Variants in TTL observed in about 807,000 individuals in gnomAD.
The protein encoded by TTL is tubulin--tyrosine ligase.
Under a neutral mutation model 41.1 loss-of-function variants are expected in TTL, and 10 were observed. The observed-to-expected ratio is 0.24, with a 90% CI of 0.15 to 0.41. The LOEUF (loss-of-function observed/expected upper bound fraction) is 0.41, where lower values mean the gene tolerates loss of function less well. TTL is among the 10% of genes least tolerant of loss of function. TTL has a pLI of 1.00. For missense variants in TTL, 367 were observed against 460.4 expected (o/e 0.80, Z 1.86); for synonymous variants, 175 against 175.5 (o/e 1.00, Z 0.02).
At position 112,503,049 on chromosome 2, in the gene TTL, A is replaced by T; in HGVS notation, c.743A>T (p.Glu248Val). ...CHLTNHCIQKEYSKNYGKYEE... is the reference protein window; with the variant it reads ...CHLTNHCIQKVYSKNYGKYEE... ...TTGACCAATCACTGCATTCAAAAAGAGTATTCAAAGAACTACGGGAAGTAT... is the reference window on the plus strand; with the variant it reads ...TTGACCAATCACTGCATTCAAAAAGTGTATTCAAAGAACTACGGGAAGTAT... Residue 248 changes from glutamate to valine, a missense_variant, in exon 5 of 7, where the codon GAG (glutamate) becomes GTG (valine). Physicochemically the swap from Glu to Val is moderately radical, Grantham distance 121. Coordinates refer to ENST00000233336, the MANE Select transcript of TTL (RefSeq NM_153712.5). 2 of 1,614,148 alleles carry T rather than the reference A, an allele frequency of 1.2e-6. No homozygotes were observed. Among genetic ancestry groups the T allele is most frequent in the Non-Finnish European group, 8.5e-7 (1 of 1,180,020 alleles).
chr2:112,519,247 T>C (rs1232225931), intron 5 of TTL, among the ~76,000 whole-genome samples: 1 of 152,186 alleles, frequency 6.6e-6, no homozygotes, highest in Non-Finnish European at 1.5e-5. Flanking sequence ...ACAGTAACAT[T>C]TATTAAAATG....
At chr2:112,511,229 G>A (rs1272965748) in intron 5 of TTL, among the ~76,000 whole-genome samples, 4 of 151,614 alleles carry the variant, frequency 2.6e-5, no homozygotes, top group Admixed American at 6.6e-5. Flanking sequence ...AGCTGGTCTC[G>A]AACTCTTGGG....
intron 2 of TTL, among the ~76,000 whole-genome samples, chr2:112,489,565 T>G (rs1432057885): frequency 2.0e-5 from 3 of 152,246 alleles, no homozygotes; most frequent in Non-Finnish European, 2.9e-5. Flanking sequence ...ATTGAATATA[T>G]TGAAAAGTAA....
Position 112,533,012 on chromosome 2 carries a change from A to G in TTL, c.*4217A>G, listed in dbSNP as rs1682541789. The G allele has an allele frequency of 1.3e-5, 2 of 152,330 alleles. No individual in the cohort carries two copies. The highest frequency in any genetic ancestry group is 4.1e-4 in the South Asian group (2 of 4,826). 9.4% of individuals were successfully genotyped at this position (152,330 alleles called of 1,614,324 possible). On this transcript the variant is annotated 3_prime_UTR_variant, in exon 7 of 7. Transcript: ENST00000233336. ...TACCTATAAACCTCACACACCTGAG[A>G]TGCTTAGTCTTGTGGATAGAAAGAG...
intron 2 of TTL, among the ~76,000 whole-genome samples, chr2:112,492,855 C>A (rs1235861918): frequency 1.1e-4 from 17 of 152,032 alleles, no homozygotes; most frequent in Admixed American, 1.1e-3. Flanking sequence ...CGCACCACTG[C>A]ACTCCAGCCT....
rs966877515 is a variant in TTL, at chr2:112,541,214, G to GA, written c.*12426dup. 1 of 151,792 alleles carries GA rather than the reference G, an allele frequency of 6.6e-6. No individual in the cohort carries two copies. Among genetic ancestry groups the GA allele is most frequent in the African/African-American group, 2.4e-5 (1 of 41,292 alleles). 9.4% of individuals were successfully genotyped at this position (151,792 alleles called of 1,614,324 possible). The stretch of plus-strand genomic sequence containing the variant: ...TGATATAAAAAGACAGGCAACAAAA[G>GA]AAAAAAACTACACTTCAAAATTAAA... On this transcript the variant is annotated 3_prime_UTR_variant, in exon 7 of 7. Transcript: ENST00000233336.
In TTL at chr2:112,540,892, T is replaced by TA. The variant is rs1240465047; in HGVS notation, c.*12098dup. 9.9e-5 allele frequency: 15 copies of TA among 152,134 alleles called. No individual in the cohort carries two copies. Among genetic ancestry groups the TA allele is most frequent in the African/African-American group, 3.6e-4 (15 of 41,430 alleles). 9.4% of individuals were successfully genotyped at this position (152,134 alleles called of 1,614,324 possible). On this transcript the variant is annotated 3_prime_UTR_variant, in exon 7 of 7. Coordinates refer to ENST00000233336, the MANE Select transcript of TTL (RefSeq NM_153712.5). ...AAACTACAAAACTCTTAGTAGAAAA[T>TA]ATAGGTGAAAATCCCCATGATTGAA...
Position 112,534,831 on chromosome 2 carries a change from T to G in TTL, c.*6036T>G, listed in dbSNP as rs1349521386. On this transcript the variant is annotated 3_prime_UTR_variant, in exon 7 of 7. Coordinates refer to ENST00000233336, the MANE Select transcript of TTL (RefSeq NM_153712.5). ...AAGGCCACACACATGTGTAGGACTG[T>G]GCACATGCCCAGAAGAGACCTGAGA... The G allele has an allele frequency of 2.6e-5, 4 of 152,140 alleles. No individual in the cohort carries two copies. The highest frequency in any genetic ancestry group is 9.7e-5 in the African/African-American group (4 of 41,356). 9.4% of individuals were successfully genotyped at this position (152,140 alleles called of 1,614,324 possible). A position where few individuals can be genotyped will look rare whatever the true frequency, so the allele number is the denominator to read the frequency against.
At chr2:112,521,078 AG>A (rs1055328869) in intron 6 of TTL, 2 of 619,762 alleles carry the variant, frequency 3.2e-6, no homozygotes, top group Non-Finnish European at 4.0e-6. Flanking sequence ...GGCAGGAAGG[AG>A]TCAGAGAAGG....
chr2:112,540,224 G>C lies in TTL; in HGVS notation c.*11429G>C, dbSNP rs1202569815. 6.6e-6 allele frequency: 1 copy of C among 152,130 alleles called. No individual in the cohort carries two copies. Among genetic ancestry groups the C allele is most frequent in the Non-Finnish European group, 1.5e-5 (1 of 68,036 alleles). The allele number at this position is 152,130 out of a possible 1,614,324, so 9.4% of individuals were successfully genotyped here. On this transcript the variant is annotated 3_prime_UTR_variant, in exon 7 of 7. Transcript: ENST00000233336. ...CGGCCAAGGCAGATGGATTACTTGA[G>C]GTCAGGAATTCAAGACCAGCTTGGC...
chr2:112,492,349 C>A (rs1296557162), intron 2 of TTL, among the ~76,000 whole-genome samples: 8 of 152,190 alleles, frequency 5.3e-5, no homozygotes, highest in Admixed American at 6.5e-5. Context: ...CTTTGGGAGG[C>A]TGAGGTGGGT....
At chr2:112,517,949 C>T (rs1212355369) in intron 5 of TTL, among the ~76,000 whole-genome samples, 3 of 144,124 alleles carry the variant, frequency 2.1e-5, no homozygotes, top group Admixed American at 2.0e-4. Context: ...GACCCTGTCT[C>T]CTGCTTTTTT....
At chr2:112,512,538 G>A (rs1488644461) in intron 5 of TTL, among the ~76,000 whole-genome samples, 4 of 151,548 alleles carry the variant, frequency 2.6e-5, no homozygotes, top group African/African-American at 7.3e-5. Flanking sequence ...CTGGGATTTC[G>A]GGCATGAGCC....
chr2:112,521,149 A>C, intron 6 of TTL: 1 of 984,382 alleles, frequency 1.0e-6, no homozygotes, highest in Non-Finnish European at 1.2e-6. Context: ...CGCTGCACCA[A>C]AGGTTGGTGG....
chr2:112,509,888 C>T (rs1681879976), intron 5 of TTL, among the ~76,000 whole-genome samples: 2 of 152,356 alleles, frequency 1.3e-5, no homozygotes, highest in African/African-American at 4.8e-5. Flanking sequence ...CCCCCCTCGG[C>T]CTCCCAAAGT....
At chr2:112,520,614 AG>A (rs1486326014) in intron 6 of TTL, 189 bp downstream of exon 6, 382 of 715,822 alleles carry the variant, frequency 5.3e-4, no homozygotes, top group African/African-American at 4.8e-3. Flanking sequence ...CCCCGTGTAT[AG>A]GCCAGATAGG....
At chr2:112,488,482 G>A (rs998867404) in intron 2 of TTL, among the ~76,000 whole-genome samples, 1 of 152,198 alleles carries the variant, frequency 6.6e-6, no homozygotes, top group African/African-American at 2.4e-5. Flanking sequence ...TGCAAGCCGG[G>A]CGTGGTGGCT....
chr2:112,515,559 T>C (rs1255338822), intron 5 of TTL, among the ~76,000 whole-genome samples: 2 of 152,184 alleles, frequency 1.3e-5, no homozygotes, highest in Non-Finnish European at 2.9e-5. Flanking sequence ...TGGTGAGTTT[T>C]CAGTTATGCA....
chr2:112,493,953 T>C (rs1681459347), intron 2 of TTL, among the ~76,000 whole-genome samples, 190 bp from the exon 3 acceptor site: 1 of 152,216 alleles, frequency 6.6e-6, no homozygotes, highest in African/African-American at 2.4e-5. Context: ...TCAGGTTGCA[T>C]CTAACAGCTG....
Sources: gnomAD v4.1 joint callset for allele counts (sites outside exome capture counted in the v4.1 genomes callset) on GRCh38, gnomAD v4.1.1 for gene constraint, MANE v1.5 for transcripts, NCBI Gene and HGNC (gene_info 2026-07-23, HGNC 2026-07-21) for gene names.